The following PBX4 variants were observed in gnomAD, a reference collection of about 807,000 sequenced individuals.
The protein encoded by PBX4 is pre-B-cell leukemia transcription factor 4.
Under a neutral mutation model 35.1 loss-of-function variants are expected in PBX4, and 26 were observed. The ratio of observed to expected loss-of-function variants is 0.74; its 90% CI spans 0.54 to 1.03. The LOEUF (loss-of-function observed/expected upper bound fraction) is 1.03, where lower values mean the gene tolerates loss of function less well. Among genes scored for constraint, PBX4 ranks in the 50% least tolerant of loss-of-function variants. PBX4 has a pLI of 0.00. For synonymous variants in PBX4, 199 were observed against 204.2 expected (o/e 0.97, Z 0.22); for missense variants, 448 against 504.3 (o/e 0.89, Z 1.07).
At chr19:19,578,359 C>T (rs1002432526) in intron 2 of PBX4, among the ~76,000 whole-genome samples, 2 of 152,208 alleles carry the variant, frequency 1.3e-5, no homozygotes, top group African/African-American at 2.4e-5. Flanking sequence ...ACAGCTTCCT[C>T]AGCACCGTGC....
At chr19:19,583,590 G>A (rs1368049560) in intron 2 of PBX4, among the ~76,000 whole-genome samples, 4 of 151,920 alleles carry the variant, frequency 2.6e-5, no homozygotes, top group South Asian at 2.1e-4. Context: ...CAGCCAGTTC[G>A]ACAAAGTAAG....
At chr19:19,618,395 C>A in intron 1 of PBX4, 116 bp downstream of exon 1, 1 of 979,760 alleles carries the variant, frequency 1.0e-6, no homozygotes, top group Non-Finnish European at 1.3e-6. Flanking sequence ...CTCGGGACCC[C>A]CCTCCAGCCC....
chr19:19,617,401 C>T (rs1432069707), intron 1 of PBX4, among the ~76,000 whole-genome samples: 1 of 152,140 alleles, frequency 6.6e-6, no homozygotes, highest in East Asian at 1.9e-4. Context: ...GCCTCAGCCT[C>T]CTAAGTAGCT....
chr19:19,567,423 G>C, intron 5 of PBX4, among the ~76,000 whole-genome samples: 1 of 152,202 alleles, frequency 6.6e-6, no homozygotes, highest in African/African-American at 2.4e-5. Context: ...GGTTGGAGCA[G>C]AGCATGGTGG....
chr19:19,599,220 G>T, intron 2 of PBX4, 72 bp downstream of exon 2: 1 of 1,300,724 alleles, frequency 7.7e-7, no homozygotes, highest in South Asian at 1.2e-5. Context: ...GCCCGCCTCC[G>T]CCTCCCAATG....
At position 19,563,746 on chromosome 19, in the gene PBX4, A is replaced by G; in HGVS notation, c.926-131T>C. On this transcript the variant is annotated intron_variant, in intron 6 of 7. Coordinates refer to ENST00000251203, the MANE Select transcript of PBX4 (RefSeq NM_025245.3). This position sits in a 1 kb window ranked among gnomAD's most constrained non-coding sequence, Gnocchi z 5.1. ...CCTCAGCATCCGGCCTCTGCTCCTC[A>G]GCCCCCACCCAGGCAGGCCAGCGGG... The G allele has an allele frequency of 1.3e-6, 1 of 764,196 alleles. No individual in the cohort carries two copies. The allele number at this position is 764,196 out of a possible 1,614,324, so 47.3% of individuals were successfully genotyped here.
At chr19:19,580,467 G>T (rs190069460) in intron 2 of PBX4, among the ~76,000 whole-genome samples, 49 of 152,272 alleles carry the variant, frequency 3.2e-4, no homozygotes, top group Middle Eastern at 3.4e-3. Flanking sequence ...CAGTTCTGCC[G>T]GTGGGACCCA....
rs1034596970 is a variant in PBX4, at chr19:19,618,649, G to C, written c.-20C>G. On this transcript the variant is annotated 5_prime_UTR_variant, in exon 1 of 8. Transcript: ENST00000251203. The stretch of plus-strand genomic sequence containing the variant: ...GGCCATGAGCGGCAGGGCCGGGCGG[G>C]CGCTGTGAGGGTGCCGTCGAGCCTG... 8.3e-7 allele frequency: 1 copy of C among 1,207,122 alleles called. No homozygotes were observed. Among genetic ancestry groups the C allele is most frequent in the Non-Finnish European group, 1.0e-6 (1 of 971,496 alleles). 74.8% of individuals were successfully genotyped at this position (1,207,122 alleles called of 1,614,324 possible). A position where few individuals can be genotyped will look rare whatever the true frequency, so the allele number is the denominator to read the frequency against.
In PBX4 at chr19:19,570,716, GCTC is replaced by G; in HGVS notation, c.308_310del (p.Gly103del). On this transcript the variant is annotated inframe_deletion, in exon 3 of 8. Transcript: ENST00000251203. Reference sequence around the variant, plus strand: ...TGTTGCTGTGCCGGCCCTGGCCACCGCTCCTCCTCTTCCTCTCTTCTCGGGCCT... The same window carrying G: ...TGTTGCTGTGCCGGCCCTGGCCACCGCTCCTCTTCCTCTCTTCTCGGGCCT... 1 of 1,614,108 alleles carries G rather than the reference GCTC, an allele frequency of 6.2e-7. No homozygotes were observed. Among genetic ancestry groups the G allele is most frequent in the Non-Finnish European group, 8.5e-7 (1 of 1,180,020 alleles).
chr19:19,589,245 G>A (rs1434432016), intron 2 of PBX4, among the ~76,000 whole-genome samples: 3 of 152,016 alleles, frequency 2.0e-5, no homozygotes, highest in Non-Finnish European at 4.4e-5. Flanking sequence ...TGGCTAACAC[G>A]ATGAAACCCC....
intron 2 of PBX4, among the ~76,000 whole-genome samples, chr19:19,580,156 T>C (rs906495515): frequency 8.5e-5 from 13 of 152,242 alleles, no homozygotes; most frequent in Admixed American, 2.6e-4. Flanking sequence ...CAGACAAGCA[T>C]GTCCGCCTGC....
chr19:19,610,302 A>G (rs1347333630), intron 1 of PBX4, among the ~76,000 whole-genome samples: 1 of 152,022 alleles, frequency 6.6e-6, no homozygotes, highest in Non-Finnish European at 1.5e-5. Flanking sequence ...AATCCCAGCT[A>G]CTCGGAAGGC....
At chr19:19,565,135 T>A in intron 5 of PBX4, 46 bp from the exon 6 acceptor site, 1 of 1,612,618 alleles carries the variant, frequency 6.2e-7, no homozygotes, top group Non-Finnish European at 8.5e-7. Flanking sequence ...CAGCGACTTC[T>A]GAGACACGAC....
chr19:19,584,018 G>A (rs2061473284), intron 2 of PBX4, among the ~76,000 whole-genome samples: 1 of 152,062 alleles, frequency 6.6e-6, no homozygotes, highest in African/African-American at 2.4e-5. Context: ...GTGGTGAGCC[G>A]AGATCATGCC....
At chr19:19,580,144 C>T (rs1158664325) in intron 2 of PBX4, among the ~76,000 whole-genome samples, 3 of 152,208 alleles carry the variant, frequency 2.0e-5, no homozygotes, top group Admixed American at 1.3e-4. Flanking sequence ...CAGGCGCAGG[C>T]GCAGACAAGC....
At chr19:19,615,750 G>A (rs996937757) in intron 1 of PBX4, among the ~76,000 whole-genome samples, 1 of 152,092 alleles carries the variant, frequency 6.6e-6, no homozygotes, top group African/African-American at 2.4e-5. Context: ...AACTAGCCAC[G>A]CATGGGGCGT....
At chr19:19,610,233 G>A (rs2061655661) in intron 1 of PBX4, among the ~76,000 whole-genome samples, 2 of 152,056 alleles carry the variant, frequency 1.3e-5, no homozygotes, top group South Asian at 4.2e-4. Flanking sequence ...GAACAACATG[G>A]AGAAACCTCG....
intron 2 of PBX4, among the ~76,000 whole-genome samples, chr19:19,598,888 A>T (rs1386391446): frequency 1.3e-5 from 2 of 149,464 alleles, no homozygotes; most frequent in Non-Finnish European, 3.0e-5. Flanking sequence ...GTGCTGCCGC[A>T]GCTCTAGTCA....
rs57529780 is a variant in PBX4, at chr19:19,566,588, G to A, written c.769-1499C>T. Among the ~76,000 whole-genome samples, 170 of 152,188 alleles carry A rather than the reference G, an allele frequency of 1.1e-3. 4 individuals carry two copies. The East Asian group carries it at 0.029, about 26-fold the overall frequency. On this transcript the variant is annotated intron_variant, in intron 5 of 7. Transcript: ENST00000251203. ...CACCCAGGCTGGAGTGCAGCGGTGC[G>A]ATCTCAGCTCACTGCAACCTCTGCC...
Sources: allele counts gnomAD v4.1 joint callset (sites outside exome capture counted in the v4.1 genomes callset), GRCh38; gene constraint gnomAD v4.1.1; non-coding constraint Gnocchi (gnomAD v3.1); transcripts MANE v1.5; gene names NCBI Gene and HGNC (gene_info 2026-07-23, HGNC 2026-07-21).